The following ABCC6 variants were observed in gnomAD, a reference collection of about 807,000 sequenced individuals.
The protein encoded by ABCC6 is ATP-binding cassette sub-family C member 6.
ABCC6 carries 126 observed loss-of-function variants against 169.5 expected under a neutral mutation model. The ratio of observed to expected loss-of-function variants is 0.74; its 90% CI spans 0.64 to 0.86. ABCC6 has a LOEUF of 0.86. Ranked by LOEUF, ABCC6 falls within the 40% of genes least tolerant of loss-of-function variation. ABCC6 has a pLI of 0.00. For synonymous variants in ABCC6, 752 were observed against 814.7 expected (o/e 0.92, Z 1.31); for missense variants, 1,733 against 1,927.2 (o/e 0.90, Z 1.89).
At chr16:16,197,043 G>A (rs1002349179) in intron 10 of ABCC6, among the ~76,000 whole-genome samples, 2 of 152,154 alleles carry the variant, frequency 1.3e-5, no homozygotes. Flanking sequence ...CAACGTTAAA[G>A]GAATGAAGTT....
rs375066891 is a variant in ABCC6, at chr16:16,203,529, C to T, written c.879G>A (p.Gly293=). The change falls in exon 8 of 31, where the codon GGG becomes GGA. Residue 293 remains glycine, a synonymous_variant. Transcript: ENST00000205557. ...CCTTCAGCAGTGGGCGCCACTGGCTCCCTTCTTGCCGTAGGAAGGGCTCGG... is the reference window on the plus strand; with the variant it reads ...CCTTCAGCAGTGGGCGCCACTGGCTTCCTTCTTGCCGTAGGAAGGGCTCGG... ...PETEPFLRQE[G]SQWRPLLKAI... is the part of the protein sequence containing the mutation. 6.2e-7 allele frequency: 1 copy of T among 1,613,984 alleles called. No homozygotes were observed. The highest frequency in any genetic ancestry group is 2.2e-5 in the East Asian group (1 of 44,878).
At chr16:16,211,677 C>T (rs1445878941) in intron 6 of ABCC6, among the ~76,000 whole-genome samples, 1 of 152,166 alleles carries the variant, frequency 6.6e-6, no homozygotes, top group Non-Finnish European at 1.5e-5. Context: ...TCCTCAAGTG[C>T]CTTGTGAGCT....
intron 18 of ABCC6, among the ~76,000 whole-genome samples, chr16:16,178,052 G>A (rs1288447543): frequency 2.6e-5 from 4 of 151,962 alleles, no homozygotes; most frequent in African/African-American, 7.3e-5. Context: ...ACGGCCGAGC[G>A]CAGTGGCTCA....
At position 16,182,840 on chromosome 16, in the gene ABCC6, C is replaced by T. The variant is rs761805973; in HGVS notation, c.2034G>A (p.Gly678=). 128 of 1,614,100 alleles carry T rather than the reference C, an allele frequency of 7.9e-5. No individual in the cohort carries two copies. In the South Asian group the frequency reaches 1.3e-3, roughly 17 times the overall value. ...GKSSLLSALL[G]ELSKVEGFVS... ...CGAACCCCTCCACCTTTGACAGCTC[C>T]CCAAGGAGGGCGGACAGCAGGGAGG... Residue 678 remains glycine, a synonymous_variant, in exon 16 of 31, where the codon GGG becomes GGA. Transcript: ENST00000205557.
At chr16:16,151,901 G>A (rs991920679) in intron 29 of ABCC6, among the ~76,000 whole-genome samples, 1 of 152,018 alleles carries the variant, frequency 6.6e-6, no homozygotes, top group Non-Finnish European at 1.5e-5. Flanking sequence ...GCACATAAAA[G>A]TGTGTGGGTG....
rs2048478142 is a variant in ABCC6 at position 16,208,624 on chromosome 16, G to A, written c.794+104C>T. 10 of 1,583,664 alleles carry A rather than the reference G, an allele frequency of 6.3e-6. No homozygotes were observed. The East Asian group carries it at 6.8e-5, about 11-fold the overall frequency. Reference sequence around the variant, plus strand: ...CCTGACCTTGTGATCCGCCTGCCTCGGCCTCCCAAAATGCCGGGATTACAG... The same window carrying A: ...CCTGACCTTGTGATCCGCCTGCCTCAGCCTCCCAAAATGCCGGGATTACAG... On this transcript the variant is annotated intron_variant, in intron 7 of 30. Coordinates refer to ENST00000205557, the MANE Select transcript of ABCC6 (RefSeq NM_001171.6).
intron 27 of ABCC6, among the ~76,000 whole-genome samples, chr16:16,157,060 G>T (rs1302783988): frequency 6.6e-6 from 1 of 152,046 alleles, no homozygotes; most frequent in East Asian, 1.9e-4. Flanking sequence ...TTCAGAGGGA[G>T]GGAGGAAAGG....
intron 29 of ABCC6, among the ~76,000 whole-genome samples, chr16:16,154,198 C>T (rs2152211447): frequency 6.6e-6 from 1 of 152,116 alleles, no homozygotes; most frequent in African/African-American, 2.4e-5. Flanking sequence ...CCTCCTCTCT[C>T]AGCCTCCTGA....
At position 16,202,001 on chromosome 16, in the gene ABCC6, C is replaced by A. The variant is rs72653763; in HGVS notation, c.1176G>T (p.Lys392Asn). The change falls in exon 9 of 31, where the codon AAG (lysine) becomes AAT (asparagine). Residue 392 changes from lysine to asparagine, a missense_variant and splice_region_variant. Transcript: ENST00000205557. ...CCTGCCCTTGTCCCCCAGGGCTCAC[C>A]TTTCTGTACACCAGGCCAGTGATGG... ...RSAITGLVYR[K>N]VLALSSGSRK... 18 of 1,613,912 alleles carry A rather than the reference C, an allele frequency of 1.1e-5. No homozygotes were observed. Among genetic ancestry groups the A allele is most frequent in the Non-Finnish European group, 1.4e-5 (17 of 1,179,894 alleles).
At chr16:16,200,142 G>C (rs1272098177) in intron 9 of ABCC6, among the ~76,000 whole-genome samples, 2 of 150,966 alleles carry the variant, frequency 1.3e-5, no homozygotes, top group East Asian at 4.0e-4. Context: ...ACATAAAAAA[G>C]TAGCCCAGGC....
At chr16:16,213,629 T>C (rs4238628) in intron 5 of ABCC6, among the ~76,000 whole-genome samples, 15 of 149,658 alleles carry the variant, frequency 1.0e-4, no homozygotes, top group Non-Finnish European at 1.6e-4. Context: ...TGCACAGTCT[T>C]GGCTCCCTGC....
chr16:16,150,757 C>A lies in ABCC6; in HGVS notation c.4224G>T (p.Gln1408His), dbSNP rs761687550. 6.2e-7 allele frequency: 1 copy of A among 1,613,708 alleles called. No individual in the cohort carries two copies. Among genetic ancestry groups the A allele is most frequent in the Non-Finnish European group, 8.5e-7 (1 of 1,179,938 alleles). The change falls in exon 30 of 31, where the codon CAG becomes CAT. Residue 1408 changes from glutamine to histidine, a missense_variant. Around this residue, in one of 5 missense-constraint regions of ABCC6, gnomAD observed 1,601 missense variants for 1,635.5 expected, o/e 0.98. Coordinates refer to ENST00000205557, the MANE Select transcript of ABCC6 (RefSeq NM_001171.6). ...GAAGGGCACGTGCCAGACACAGGAG[C>A]TGTTTCTGGCCCACGCTGGGAACGA... is the stretch of plus-strand genomic sequence containing the variant. ...RGEDLSVGQK[Q>H]LLCLARALLR...
chr16:16,171,846 T>A (rs1182465912), intron 21 of ABCC6, among the ~76,000 whole-genome samples: 1 of 141,250 alleles, frequency 7.1e-6, no homozygotes, highest in East Asian at 2.1e-4. Context: ...GTGGGTGGGA[T>A]GGATAAATGA....
At chr16:16,150,514 C>T in intron 30 of ABCC6, 64 bp downstream of exon 30, 1 of 1,567,866 alleles carries the variant, frequency 6.4e-7, no homozygotes. Context: ...CCCAGGACTG[C>T]CTCCGCCTCC....
At chr16:16,187,016 G>A (rs958027427) in intron 14 of ABCC6, 108 bp downstream of exon 14, 15 of 953,000 alleles carry the variant, frequency 1.6e-5, no homozygotes, top group Admixed American at 4.0e-5. Context: ...TCCATTGCCC[G>A]CAGCCCCCAT....
chr16:16,186,698 G>C (rs1355995372), intron 14 of ABCC6, among the ~76,000 whole-genome samples: 1 of 150,018 alleles, frequency 6.7e-6, no homozygotes, highest in African/African-American at 2.5e-5. Flanking sequence ...TCTACGTTAT[G>C]GTGAGTTGTA....
intron 14 of ABCC6, among the ~76,000 whole-genome samples, chr16:16,185,638 A>G (rs967359262): frequency 1.3e-5 from 2 of 152,144 alleles, no homozygotes; most frequent in Non-Finnish European, 2.9e-5. Context: ...TACAAAAATT[A>G]GCCAGGCGTG....
At chr16:16,184,827 C>A in intron 15 of ABCC6, 132 bp downstream of exon 15, 2 of 989,314 alleles carry the variant, frequency 2.0e-6, no homozygotes, top group Non-Finnish European at 3.2e-6. Flanking sequence ...CGGCAGAGCC[C>A]CAGCCCAGCC....
At position 16,159,505 on chromosome 16, in the gene ABCC6, C is replaced by A; in HGVS notation, c.3712G>T (p.Asp1238Tyr). The change falls in exon 26 of 31, where the codon GAC becomes TAC. Residue 1238 changes from aspartate (D) to tyrosine (Y), a missense_variant. Transcript: ENST00000205557. ...ACCTCCTTGGGCGTCCAGGCATAGT[C>A]CTGCATCCGCTCCACTGACACGATG... ...NSIVSVERMQ[D>Y]YAWTPKEAPW... 1 of 1,614,106 alleles carries A rather than the reference C, an allele frequency of 6.2e-7. No homozygotes were observed. The highest frequency in any genetic ancestry group is 8.5e-7 in the Non-Finnish European group (1 of 1,180,006).
Sources: allele counts gnomAD v4.1 joint callset (sites outside exome capture counted in the v4.1 genomes callset), GRCh38; gene constraint gnomAD v4.1.1; regional missense constraint gnomAD v4.1.1; transcripts MANE v1.5; gene names NCBI Gene and HGNC (gene_info 2026-07-23, HGNC 2026-07-21).